ESR1: variants seen among roughly 807,000 people sequenced by gnomAD.
ESR1 encodes the protein estrogen receptor.
ESR1 carries 12 observed loss-of-function variants against 52.7 expected under a neutral mutation model. That is an observed-to-expected ratio of 0.23 (90% CI 0.15 to 0.37). The LOEUF is 0.37. Among genes scored for constraint, ESR1 ranks in the 10% least tolerant of loss-of-function variants. ESR1 has a pLI of 1.00. For synonymous variants in ESR1, 305 were observed against 316.8 expected, an observed-to-expected ratio of 0.96 and a Z score of 0.39; for missense variants, 584 against 779.7, an observed-to-expected ratio of 0.75 and a Z score of 2.99.
intron 4 of ESR1, among the ~76,000 whole-genome samples, chr6:152,010,899 T>C (rs1045207103): frequency 1.3e-5 from 2 of 148,204 alleles, no homozygotes; most frequent in African/African-American, 5.0e-5. Context: ...TTCTTCTTCC[T>C]CCTCCTCCTC....
upstream of ESR1, chr6:151,804,927 C>T (rs1021713847): frequency 6.6e-6 from 1 of 152,360 alleles, no homozygotes; most frequent in South Asian, 2.1e-4. Flanking sequence ...GTGAACGCCA[C>T]TGGGAAATGA....
At chr6:152,042,109 T>G (rs3020358) in intron 5 of ESR1, among the ~76,000 whole-genome samples, 64,132 of 152,034 alleles carry the variant, frequency 0.42, 14,958 homozygotes, top group African/African-American at 0.61. Context: ...CCTCCAGGGA[T>G]GCAATGTTGT....
chr6:151,864,942 G>A (rs1186605801), intron 2 of ESR1, among the ~76,000 whole-genome samples: 1 of 109,226 alleles, frequency 9.2e-6, no homozygotes, highest in Non-Finnish European at 1.7e-5. Flanking sequence ...CTGTTGTGGG[G>A]TGGGGGGAGG....
intron 2 of ESR1, among the ~76,000 whole-genome samples, chr6:151,865,939 G>A (rs1789820052): frequency 6.6e-6 from 1 of 152,230 alleles, no homozygotes; most frequent in Non-Finnish European, 1.5e-5. Context: ...GCTTTCTGAT[G>A]TGGGGCGCAT....
At chr6:151,800,644 C>A (rs889180734), upstream of ESR1, among the ~76,000 whole-genome samples, 17 of 152,144 alleles carry the variant, frequency 1.1e-4, no homozygotes, top group Non-Finnish European at 1.3e-4. Flanking sequence ...GAAAATAAAT[C>A]GCTGTTGTTT....
chr6:151,968,011 G>A (rs960479146), intron 4 of ESR1, among the ~76,000 whole-genome samples: 4 of 151,810 alleles, frequency 2.6e-5, no homozygotes, highest in Admixed American at 2.0e-4. Flanking sequence ...CATATCCTTC[G>A]CCCACTTTTT....
exon 7 of ESR1, chr6:152,129,028 G>T (rs2054515882): frequency 6.6e-6 from 1 of 152,260 alleles, no homozygotes. Context: ...TGCTCAGAAA[G>T]ATGTTAATGA....
intron 5 of ESR1, among the ~76,000 whole-genome samples, chr6:152,059,654 T>C (rs1221966682): frequency 6.6e-6 from 1 of 152,182 alleles, no homozygotes; most frequent in Non-Finnish European, 1.5e-5. Context: ...TTGAAAGCAA[T>C]GTTTGAACTA....
At chr6:151,724,892 A>G (rs1463055736) in intron 2 of ESR1, among the ~76,000 whole-genome samples, 2 of 152,194 alleles carry the variant, frequency 1.3e-5, no homozygotes, top group Non-Finnish European at 2.9e-5. Flanking sequence ...TTCATAATTC[A>G]CCTGCTAGGA....
intron 4 of ESR1, among the ~76,000 whole-genome samples, chr6:151,987,392 G>A (rs560652900): frequency 6.6e-6 from 1 of 152,102 alleles, no homozygotes; most frequent in Non-Finnish European, 1.5e-5. Flanking sequence ...CTGACTGGCA[G>A]GGACTACAGG....
intron 5 of ESR1, among the ~76,000 whole-genome samples, chr6:152,034,682 A>G (rs1236465277): frequency 6.6e-6 from 1 of 152,136 alleles, no homozygotes; most frequent in East Asian, 1.9e-4. Flanking sequence ...TTTTTAATTC[A>G]TTCTGAAATA....
At chr6:151,802,484 T>C (rs1777357776), upstream of ESR1, among the ~76,000 whole-genome samples, 2 of 152,238 alleles carry the variant, frequency 1.3e-5, no homozygotes, top group Non-Finnish European at 2.9e-5. Flanking sequence ...GGAGGAATAA[T>C]GTTTTTGTAA....
At chr6:151,964,931 C>A (rs867786097) in intron 4 of ESR1, among the ~76,000 whole-genome samples, 1 of 152,142 alleles carries the variant, frequency 6.6e-6, no homozygotes, top group South Asian at 2.1e-4. Flanking sequence ...CATGAGCCAC[C>A]GCGCCCGGCC....
upstream of ESR1, chr6:151,804,619 T>C (rs1777595312): frequency 6.6e-6 from 1 of 152,242 alleles, no homozygotes; most frequent in African/African-American, 2.4e-5. Context: ...TATATTTGCA[T>C]GATGGCATCA....
intron 6 of ESR1, among the ~76,000 whole-genome samples, chr6:152,114,745 G>A (rs1378286454): frequency 6.6e-6 from 1 of 151,276 alleles, no homozygotes; most frequent in Non-Finnish European, 1.5e-5. Flanking sequence ...CAAAAAATTA[G>A]CCGGGCGTAG....
intron 6 of ESR1, among the ~76,000 whole-genome samples, chr6:152,083,718 C>T (rs2049438146): frequency 6.6e-6 from 1 of 152,122 alleles, no homozygotes; most frequent in Admixed American, 6.5e-5. Context: ...TGACAAAGGG[C>T]TAATATCTTT....
chr6:151,983,340 A>G (rs1309307465), intron 4 of ESR1: 1 of 152,200 alleles, frequency 6.6e-6, no homozygotes, highest in Non-Finnish European at 1.5e-5. Flanking sequence ...ATTTAATAGT[A>G]ATTTATTGAA....
intron 2 of ESR1, among the ~76,000 whole-genome samples, chr6:151,737,120 A>G (rs115152900): frequency 6.6e-6 from 1 of 152,094 alleles, no homozygotes; most frequent in Non-Finnish European, 1.5e-5. Context: ...AAAAATTATT[A>G]TTCTTCCCCA....
intron 1 of ESR1, among the ~76,000 whole-genome samples, chr6:151,836,591 T>G (rs889719669): frequency 1.3e-5 from 2 of 152,252 alleles, no homozygotes; most frequent in Middle Eastern, 6.8e-3. Flanking sequence ...ACCTACTGTA[T>G]ATGGTTAAAA....
Sources: allele counts gnomAD v4.1 joint callset (sites outside exome capture counted in the v4.1 genomes callset), GRCh38; gene constraint gnomAD v4.1.1; transcripts MANE v1.5; gene names NCBI Gene and HGNC (gene_info 2026-07-23, HGNC 2026-07-21).